DUS2: variants seen among roughly 807,000 people sequenced by gnomAD.
DUS2 encodes tRNA-dihydrouridine(20) synthase [NAD(P)+]-like.
Under a neutral mutation model 71.3 loss-of-function variants are expected in DUS2, and 52 were observed. That is an observed-to-expected ratio of 0.73 (90% confidence interval 0.58 to 0.92). The LOEUF (loss-of-function observed/expected upper bound fraction) is 0.92. Ranked by LOEUF, DUS2 falls within the 40% of genes least tolerant of loss-of-function variation. The pLI is 0.00. For synonymous variants in DUS2, 204 were observed against 227.8 expected, an observed-to-expected ratio of 0.90 and a Z score of 0.94; for missense variants, 558 against 622.6, an observed-to-expected ratio of 0.90 and a Z score of 1.10.
intron 7 of DUS2, among the ~76,000 whole-genome samples, chr16:68,060,842 T>A (rs1374457941): frequency 6.6e-6 from 1 of 151,692 alleles, no homozygotes. Flanking sequence ...AGCGAGAATC[T>A]GTCTCAAAAA....
intron 7 of DUS2, 26 bp downstream of exon 7, chr16:68,056,450 A>C (rs369846772): frequency 3.8e-6 from 6 of 1,584,634 alleles, no homozygotes; most frequent in Non-Finnish European, 3.5e-6. Context: ...TATACTCCTC[A>C]TAAACATAGG....
intron 2 of DUS2, among the ~76,000 whole-genome samples, chr16:68,037,696 G>A (rs1322947139): frequency 6.6e-6 from 1 of 152,032 alleles, no homozygotes; most frequent in Non-Finnish European, 1.5e-5. Flanking sequence ...TGGGATTACA[G>A]ATGTGAACCA....
chr16:68,054,612 G>T lies in DUS2; in HGVS notation c.303G>T (p.Arg101Ser). The T allele has an allele frequency of 6.2e-7, 1 of 1,614,156 alleles. No individual in the cohort carries two copies. Among genetic ancestry groups the T allele is most frequent in the Non-Finnish European group, 8.5e-7 (1 of 1,180,028 alleles). ...SDAERALAVA[R>S]LVENDVAGID... is the part of the protein sequence containing the mutation. The stretch of plus-strand genomic sequence containing the variant: ...CAGAGCGAGCCCTTGCTGTGGCCAG[G>T]CTTGTGTAAGTTCATCCTCTGTCTT... Residue 101 changes from arginine to serine, a missense_variant, in exon 6 of 17, where the codon AGG (arginine) becomes AGT (serine). Transcript: ENST00000565263.
Position 68,053,442 on chromosome 16 carries a change from A to G in DUS2, c.173-122A>G, listed in dbSNP as rs180786572. ...CATAGTTATTTTTGGTAAGAATGGT[A>G]TACATTTAGGATCTCTTTCCCCTTG... On this transcript the variant is annotated intron_variant, in intron 4 of 16. Coordinates refer to ENST00000565263, the MANE Select transcript of DUS2 (RefSeq NM_017803.5). 3.5e-6 allele frequency: 3 copies of G among 845,504 alleles called. No homozygotes were observed. The Middle Eastern group carries it at 6.7e-4, about 189-fold the overall frequency. The allele number at this position is 845,504 out of a possible 1,614,324, so 52.4% of individuals were successfully genotyped here.
At chr16:68,036,842 A>G (rs556187538) in intron 2 of DUS2, among the ~76,000 whole-genome samples, 3 of 151,742 alleles carry the variant, frequency 2.0e-5, no homozygotes, top group African/African-American at 7.2e-5. Flanking sequence ...TCTGCTGTGC[A>G]TTCTTCTTGA....
intron 8 of DUS2, among the ~76,000 whole-genome samples, chr16:68,065,957 C>A (rs546211345): frequency 6.6e-6 from 1 of 152,132 alleles, no homozygotes; most frequent in African/African-American, 2.4e-5. Context: ...GTGTGGAATT[C>A]AAGAGTGTGT....
In DUS2 at chr16:68,074,145, C is replaced by CG; in HGVS notation, c.925dup (p.Glu309GlyfsTer4). Reference sequence around the variant, plus strand: ...GTTGCTCCATGCTGCCCAGTCTTCCCGGGAAATTTGGTAAGAGGCACAATA... The same window carrying CG: ...GTTGCTCCATGCTGCCCAGTCTTCCCGGGGAAATTTGGTAAGAGGCACAATA... On this transcript the variant is annotated frameshift_variant, in exon 13 of 17. Transcript: ENST00000565263. LOFTEE classifies it high-confidence loss of function. 5 of 1,614,088 alleles carry CG rather than the reference C, an allele frequency of 3.1e-6. No homozygotes were observed. Among genetic ancestry groups the CG allele is most frequent in the Non-Finnish European group, 4.2e-6 (5 of 1,179,956 alleles).
chr16:68,034,221 A>G (rs2033483881), intron 2 of DUS2, among the ~76,000 whole-genome samples: 1 of 150,738 alleles, frequency 6.6e-6, no homozygotes, highest in Admixed American at 6.6e-5. Context: ...ATGCACTACC[A>G]CTCCTGGCTA....
intron 3 of DUS2, among the ~76,000 whole-genome samples, chr16:68,044,128 T>A (rs1367045242): frequency 1.3e-5 from 2 of 152,162 alleles, no homozygotes; most frequent in Non-Finnish European, 2.9e-5. Context: ...ACAGTCTTGA[T>A]TATTGTAGCT....
intron 14 of DUS2, 33 bp downstream of exon 14, chr16:68,075,537 G>C: frequency 6.3e-7 from 1 of 1,590,592 alleles, no homozygotes; most frequent in Non-Finnish European, 8.6e-7. Context: ...GCTTGGGCTA[G>C]GGCCAGCACC....
chr16:68,046,900 C>T (rs1231166631), intron 3 of DUS2, among the ~76,000 whole-genome samples: 1 of 152,028 alleles, frequency 6.6e-6, no homozygotes, highest in Non-Finnish European at 1.5e-5. Context: ...GCGTCTGCCA[C>T]CACACCCGGC....
intron 7 of DUS2, among the ~76,000 whole-genome samples, chr16:68,059,724 C>G (rs2033912825): frequency 6.6e-6 from 1 of 152,202 alleles, no homozygotes; most frequent in Non-Finnish European, 1.5e-5. Flanking sequence ...AGTATGTAAT[C>G]TTTATACTGG....
At chr16:68,045,148 G>T (rs928980531) in intron 3 of DUS2, among the ~76,000 whole-genome samples, 3 of 152,052 alleles carry the variant, frequency 2.0e-5, no homozygotes, top group African/African-American at 7.2e-5. Context: ...CTTTTGTATT[G>T]TTCATTACTA....
chr16:68,039,642 C>T (rs1357150334), intron 3 of DUS2, among the ~76,000 whole-genome samples: 1 of 151,956 alleles, frequency 6.6e-6, no homozygotes, highest in Non-Finnish European at 1.5e-5. Context: ...AGGATGGTCT[C>T]GATCTCCTGA....
chr16:68,066,658 G>T, intron 10 of DUS2, 22 bp downstream of exon 10: 2 of 1,612,292 alleles, frequency 1.2e-6, no homozygotes, highest in South Asian at 2.2e-5. Context: ...CCTTTCTAGT[G>T]ACTGGCAGGG....
intron 2 of DUS2, 142 bp downstream of exon 2, chr16:68,025,636 A>G (rs902884912): frequency 6.6e-6 from 1 of 152,164 alleles, no homozygotes; most frequent in East Asian, 1.9e-4. Flanking sequence ...GAGCTTGCCT[A>G]AGCCTGTCTG....
At chr16:68,065,441 G>GA (rs2033992446) in intron 8 of DUS2, among the ~76,000 whole-genome samples, 1 of 151,544 alleles carries the variant, frequency 6.6e-6, no homozygotes, top group Non-Finnish European at 1.5e-5. Context: ...GTCATCCCAG[G>GA]ACTTTGGGAG....
intron 4 of DUS2, among the ~76,000 whole-genome samples, chr16:68,052,517 T>C (rs531392653): frequency 4.1e-4 from 63 of 152,326 alleles, no homozygotes; most frequent in East Asian, 9.6e-4. Context: ...TTGATTGTTA[T>C]ATAGTAACCT....
intron 10 of DUS2, among the ~76,000 whole-genome samples, chr16:68,069,029 T>C (rs961655322): frequency 1.2e-4 from 18 of 152,134 alleles, no homozygotes; most frequent in Middle Eastern, 3.4e-3. Context: ...AAAGTGACCA[T>C]TGGAGATGTA....
Sources: allele counts gnomAD v4.1 joint callset (sites outside exome capture counted in the v4.1 genomes callset), GRCh38; gene constraint gnomAD v4.1.1; transcripts MANE v1.5; gene names NCBI Gene and HGNC (gene_info 2026-07-23, HGNC 2026-07-21).